USH2A: variants seen among roughly 807,000 people sequenced by gnomAD.
USH2A encodes the protein usherin, also known as Usher syndrome 2A (autosomal recessive, mild).
USH2A carries 443 observed loss-of-function variants against 538.9 expected under a neutral mutation model. That is an observed-to-expected ratio of 0.82 (90% CI 0.76 to 0.89). USH2A has a LOEUF of 0.89. USH2A is among the 40% of genes least tolerant of loss of function. The pLI, the probability that USH2A is intolerant of heterozygous loss-of-function variation, is 0.00. For missense variants in USH2A, 6,633 were observed against 6,324.8 expected (o/e 1.05, Z -1.65); for synonymous variants, 2,413 against 2,273.5 (o/e 1.06, Z -1.75).
In USH2A at chr1:216,318,363, A is replaced by C. The variant is rs2037545824; in HGVS notation, c.1644+3520T>G. ...ATTTTAAAAAGTAGAACAACAAGAA[A>C]AGCATTAGAATAGGTATATTTTCAA... On this transcript the variant is annotated intron_variant, in intron 9 of 71. Coordinates refer to ENST00000307340, the MANE Select transcript of USH2A (RefSeq NM_206933.4). Among the ~76,000 whole-genome samples the C allele has an allele frequency of 2.6e-5, 4 of 152,208 alleles. No individual in the cohort carries two copies. In the South Asian group the frequency reaches 8.3e-4, roughly 32 times the overall value.
At chr1:215,951,675 T>C (rs972694274) in intron 37 of USH2A, among the ~76,000 whole-genome samples, 15 of 152,020 alleles carry the variant, frequency 9.9e-5, no homozygotes, top group Non-Finnish European at 1.3e-4. Flanking sequence ...CCCATTATTA[T>C]TGTGTGGGAG....
At chr1:216,146,950 A>G (rs1394571107) in intron 21 of USH2A, among the ~76,000 whole-genome samples, 2 of 152,184 alleles carry the variant, frequency 1.3e-5, no homozygotes, top group Non-Finnish European at 2.9e-5. Context: ...ACTCGACAGT[A>G]GTTCCAAATA....
chr1:216,045,082 A>G (rs2030455504), intron 32 of USH2A, among the ~76,000 whole-genome samples: 1 of 152,092 alleles, frequency 6.6e-6, no homozygotes. Flanking sequence ...CCAGTTCCCT[A>G]TTACAACCTT....
At chr1:216,056,204 G>T (rs554797329) in intron 30 of USH2A, among the ~76,000 whole-genome samples, 2 of 152,246 alleles carry the variant, frequency 1.3e-5, no homozygotes, top group Admixed American at 1.3e-4. Flanking sequence ...TTGAAGCCAC[G>T]TGCTTGTGTT....
At chr1:215,921,256 A>G (rs1666092413) in intron 38 of USH2A, among the ~76,000 whole-genome samples, 1 of 152,076 alleles carries the variant, frequency 6.6e-6, no homozygotes, top group Non-Finnish European at 1.5e-5. Context: ...TGGGCAAGTT[A>G]AGTACTTATA....
At chr1:216,409,302 A>AG (rs2039444120) in intron 3 of USH2A, among the ~76,000 whole-genome samples, 1 of 152,116 alleles carries the variant, frequency 6.6e-6, no homozygotes, top group Non-Finnish European at 1.5e-5. Context: ...AAATGGCCAT[A>AG]TTGCCCAAAG....
chr1:216,205,513 A>T (rs1022170916), intron 16 of USH2A, among the ~76,000 whole-genome samples: 11 of 152,212 alleles, frequency 7.2e-5, no homozygotes, highest in Admixed American at 2.0e-4. Flanking sequence ...TATATGAATT[A>T]GGTGCAAAAT....
At chr1:215,844,232 T>C in intron 46 of USH2A, 62 bp downstream of exon 46, 2 of 1,531,896 alleles carry the variant, frequency 1.3e-6, no homozygotes, top group South Asian at 1.1e-5. Context: ...CTTGAAGACA[T>C]AGCCTGGCAT....
chr1:215,986,142 C>T (rs949385250), intron 35 of USH2A, among the ~76,000 whole-genome samples: 6 of 151,890 alleles, frequency 4.0e-5, no homozygotes, highest in African/African-American at 1.5e-4. Context: ...TTGTTTTAGA[C>T]GTGGTCTCAC....
chr1:215,897,500 A>G (rs1665378591), intron 40 of USH2A, among the ~76,000 whole-genome samples: 1 of 152,044 alleles, frequency 6.6e-6, no homozygotes, highest in Admixed American at 6.6e-5. Flanking sequence ...CAGCCTGGCC[A>G]ACATGGTGAA....
intron 4 of USH2A, among the ~76,000 whole-genome samples, chr1:216,356,499 T>C (rs1218400086): frequency 2.6e-5 from 4 of 152,068 alleles, no homozygotes; most frequent in Non-Finnish European, 5.9e-5. Context: ...CTGAAGAACA[T>C]TTTGGCATAT....
intron 38 of USH2A, among the ~76,000 whole-genome samples, chr1:215,927,422 A>G (rs1666263213): frequency 6.6e-6 from 1 of 152,146 alleles, no homozygotes; most frequent in Non-Finnish European, 1.5e-5. Flanking sequence ...CTCCAAGAAA[A>G]CAACTTGGCC....
intron 55 of USH2A, among the ~76,000 whole-genome samples, chr1:215,767,344 T>C (rs1661160981): frequency 6.6e-6 from 1 of 152,166 alleles, no homozygotes; most frequent in Non-Finnish European, 1.5e-5. Flanking sequence ...TTGCTTCTTA[T>C]ATAAATACGG....
intron 4 of USH2A, among the ~76,000 whole-genome samples, chr1:216,340,767 T>C (rs190121360): frequency 1.8e-4 from 28 of 152,122 alleles, no homozygotes; most frequent in African/African-American, 5.5e-4. Flanking sequence ...TCGATAGATG[T>C]AGAAAAGGGC....
chr1:216,230,896 T>TCACA (rs1483688584), intron 14 of USH2A, among the ~76,000 whole-genome samples: 93 of 149,278 alleles, frequency 6.2e-4, no homozygotes, highest in African/African-American at 2.2e-3. Context: ...TCTCTCTCTC[T>TCACA]CTCACACACA....
chr1:215,658,481 G>C (rs1443915969), intron 64 of USH2A, among the ~76,000 whole-genome samples: 1 of 152,122 alleles, frequency 6.6e-6, no homozygotes, highest in East Asian at 1.9e-4. Context: ...AGAAATTTAT[G>C]CAACTTGGTA....
In USH2A at chr1:215,670,945, G is replaced by A. The variant is rs755419013; in HGVS notation, c.14133+27C>T. 28 of 1,609,642 alleles carry A rather than the reference G, an allele frequency of 1.7e-5. No individual in the cohort carries two copies. The Admixed American group carries it at 2.2e-4, about 12-fold the overall frequency. On this transcript the variant is annotated intron_variant, in intron 64 of 71. Transcript: ENST00000307340. Reference sequence around the variant, plus strand: ...GCTGACGGGTGCAAACAATCAGCTCGAATTGTTTATAATACACATTTCTTA... The same window carrying A: ...GCTGACGGGTGCAAACAATCAGCTCAAATTGTTTATAATACACATTTCTTA...
intron 11 of USH2A, among the ~76,000 whole-genome samples, chr1:216,251,932 T>C (rs1258552679): frequency 6.6e-6 from 1 of 152,170 alleles, no homozygotes; most frequent in Non-Finnish European, 1.5e-5. Flanking sequence ...CTAATACATT[T>C]TTTTCTTACC....
chr1:215,831,354 C>A (rs1471293759), intron 47 of USH2A, among the ~76,000 whole-genome samples: 1 of 152,110 alleles, frequency 6.6e-6, no homozygotes, highest in African/African-American at 2.4e-5. Flanking sequence ...ACCATTATCA[C>A]TCAACTTGAT....
Sources: allele counts gnomAD v4.1 joint callset (sites outside exome capture counted in the v4.1 genomes callset), GRCh38; gene constraint gnomAD v4.1.1; transcripts MANE v1.5; gene names NCBI Gene and HGNC (gene_info 2026-07-23, HGNC 2026-07-21).